ME2: variants seen among roughly 807,000 people sequenced by gnomAD.
ME2 encodes the protein malic enzyme 2, also known as NAD-dependent malic enzyme, mitochondrial.
In ME2, 60 loss-of-function variants were observed where a neutral mutation model predicts 73.7. That is an observed-to-expected ratio of 0.81 (90% CI 0.66 to 1.01). ME2 has a LOEUF of 1.01. Ranked by LOEUF, ME2 falls within the 50% of genes least tolerant of loss-of-function variation. The pLI is 0.00. For missense variants in ME2, 594 were observed against 705.5 expected (o/e 0.84, Z 1.79); for synonymous variants, 199 against 236.9 (o/e 0.84, Z 1.47).
Position 50,953,852 on chromosome 18 carries a change from T to G in ME2, c.*6668T>G, listed in dbSNP as rs527507114. 1 of 152,360 alleles carries G rather than the reference T, an allele frequency of 6.6e-6. No individual in the cohort carries two copies. The highest frequency in any genetic ancestry group is 1.9e-4 in the East Asian group (1 of 5,192). The allele number at this position is 152,360 out of a possible 1,614,324, so 9.4% of individuals were successfully genotyped here. A position where few individuals can be genotyped will look rare whatever the true frequency, so the allele number is the denominator to read the frequency against. ...TAGCTAAATATATGACAATATAAAA[T>G]GTCTGCCCAATGTTTTATTATACTT... is the stretch of plus-strand genomic sequence containing the variant. On this transcript the variant is annotated 3_prime_UTR_variant, in exon 16 of 16. Transcript: ENST00000321341.
chr18:50,913,519 G>A (rs1206019330), intron 4 of ME2, among the ~76,000 whole-genome samples: 1 of 152,064 alleles, frequency 6.6e-6, no homozygotes, highest in Non-Finnish European at 1.5e-5. Flanking sequence ...TTTTAGTAGA[G>A]ATGGGATTTC....
At chr18:50,938,694 GA>G (rs1917871552) in intron 13 of ME2, among the ~76,000 whole-genome samples, 1 of 152,168 alleles carries the variant, frequency 6.6e-6, no homozygotes, top group African/African-American at 2.4e-5. Flanking sequence ...AAGAAGCAAA[GA>G]GGCCTGTAAT....
intron 7 of ME2, among the ~76,000 whole-genome samples, 193 bp downstream of exon 7, chr18:50,918,406 T>G (rs894813297): frequency 2.0e-5 from 3 of 147,396 alleles, no homozygotes; most frequent in Non-Finnish European, 4.4e-5. Flanking sequence ...GTACCCATGG[T>G]CTGCCTTGCT....
intron 1 of ME2, among the ~76,000 whole-genome samples, chr18:50,886,260 T>G (rs1481886557): frequency 6.6e-6 from 1 of 151,864 alleles, no homozygotes; most frequent in Non-Finnish European, 1.5e-5. Context: ...TTTTTTTTTT[T>G]TGAGATGGAG....
intron 13 of ME2, 168 bp from the exon 14 acceptor site, chr18:50,939,402 A>G: frequency 3.9e-6 from 2 of 512,756 alleles, no homozygotes. Context: ...GAATTATTAA[A>G]GATCGTTTGA....
intron 10 of ME2, among the ~76,000 whole-genome samples, chr18:50,921,958 A>G (rs573498206): frequency 6.6e-6 from 1 of 152,358 alleles, no homozygotes; most frequent in South Asian, 2.1e-4. Context: ...CATTGAATAT[A>G]AGTAAACTGT....
intron 1 of ME2, among the ~76,000 whole-genome samples, chr18:50,884,470 C>T (rs2144177319): frequency 6.6e-6 from 1 of 152,302 alleles, no homozygotes. Context: ...GCTTCAGCCT[C>T]CCGAGTAGCT....
At chr18:50,930,026 T>G (rs542850452) in intron 12 of ME2, among the ~76,000 whole-genome samples, 1 of 152,302 alleles carries the variant, frequency 6.6e-6, no homozygotes, top group East Asian at 1.9e-4. Context: ...TCATCAGTTT[T>G]AAGATCAAGG....
intron 4 of ME2, among the ~76,000 whole-genome samples, chr18:50,913,851 G>A (rs1224132507): frequency 2.2e-5 from 1 of 44,520 alleles, no homozygotes; most frequent in Non-Finnish European, 4.6e-5. Flanking sequence ...AAAATTATCA[G>A]CAATATTATA....
intron 9 of ME2, 25 bp downstream of exon 9, chr18:50,920,783 C>T (rs1200141213): frequency 6.6e-7 from 1 of 1,513,620 alleles, no homozygotes; most frequent in Admixed American, 1.9e-5. Flanking sequence ...CTTTTTGAAA[C>T]TTAAGCCTAT....
chr18:50,899,472 C>T (rs769480420), intron 2 of ME2, among the ~76,000 whole-genome samples: 17 of 152,066 alleles, frequency 1.1e-4, no homozygotes, highest in Non-Finnish European at 2.2e-4. Flanking sequence ...AAAAAATTAG[C>T]CAAGCACTGT....
intron 13 of ME2, chr18:50,932,587 C>T (rs1959904060): frequency 2.9e-6 from 1 of 340,314 alleles, no homozygotes; most frequent in Non-Finnish European, 5.3e-6. Context: ...TAATATATTG[C>T]ATGATTTGTA....
intron 13 of ME2, 111 bp downstream of exon 13, chr18:50,932,471 G>T: frequency 2.9e-6 from 2 of 681,740 alleles, no homozygotes; most frequent in Non-Finnish European, 4.6e-6. Flanking sequence ...ACAGAATTTT[G>T]GTATAAATGT....
At chr18:50,919,061 T>TCTCCCATG (rs370990412) in intron 7 of ME2, among the ~76,000 whole-genome samples, 13 of 151,792 alleles carry the variant, frequency 8.6e-5, no homozygotes, top group African/African-American at 1.7e-4. Context: ...TCTCCGTCAG[T>TCTCCCATG]CAGATTTCAG....
At chr18:50,879,522 C>G (rs1206642586) in intron 1 of ME2, among the ~76,000 whole-genome samples, 1 of 152,218 alleles carries the variant, frequency 6.6e-6, no homozygotes, top group African/African-American at 2.4e-5. Flanking sequence ...TCGCGGCGAC[C>G]CAGGTTCCAG....
chr18:50,894,002 A>G (rs115652352), intron 1 of ME2, among the ~76,000 whole-genome samples: 2 of 152,222 alleles, frequency 1.3e-5, no homozygotes, highest in African/African-American at 4.8e-5. Flanking sequence ...ATCTATGACT[A>G]TTTAATATGA....
intron 7 of ME2, among the ~76,000 whole-genome samples, chr18:50,918,994 A>G (rs1167140627): frequency 6.6e-6 from 1 of 152,198 alleles, no homozygotes; most frequent in African/African-American, 2.4e-5. Flanking sequence ...TATTGGCAGT[A>G]ACATTCATCC....
At chr18:50,892,744 T>G (rs1292091620) in intron 1 of ME2, among the ~76,000 whole-genome samples, 1 of 152,182 alleles carries the variant, frequency 6.6e-6, no homozygotes, top group East Asian at 1.9e-4. Flanking sequence ...CTTTAGACCT[T>G]CGTTGTAAAT....
rs1197379151 is a variant in ME2 at position 50,953,662 on chromosome 18, T to A, written c.*6478T>A. On this transcript the variant is annotated 3_prime_UTR_variant, in exon 16 of 16. Coordinates refer to ENST00000321341, the MANE Select transcript of ME2 (RefSeq NM_002396.5). ...TTTCAGTTGTGCTTATATATTATAA[T>A]ATTCACTTTAGGAATCCACCTGTCA... is the stretch of plus-strand genomic sequence containing the variant. 4 of 152,232 alleles carry A rather than the reference T, an allele frequency of 2.6e-5. No individual in the cohort carries two copies. The highest frequency in any genetic ancestry group is 9.6e-5 in the African/African-American group (4 of 41,458). 9.4% of individuals were successfully genotyped at this position (152,232 alleles called of 1,614,324 possible). A position where few individuals can be genotyped will look rare whatever the true frequency, so the allele number is the denominator to read the frequency against.
Sources: allele counts gnomAD v4.1 joint callset (sites outside exome capture counted in the v4.1 genomes callset), GRCh38; gene constraint gnomAD v4.1.1; transcripts MANE v1.5; gene names NCBI Gene and HGNC (gene_info 2026-07-23, HGNC 2026-07-21).